AKT3: variants seen among roughly 807,000 people sequenced by gnomAD.
AKT3 encodes AKT serine/threonine kinase 3, also known as RAC-gamma serine/threonine-protein kinase.
Under a neutral mutation model 65.3 loss-of-function variants are expected in AKT3, and 15 were observed. The observed-to-expected ratio is 0.23, with a 90% CI of 0.15 to 0.35. AKT3 has a LOEUF of 0.35. AKT3 is among the 10% of genes least tolerant of loss of function. AKT3 has a pLI of 1.00. For synonymous variants in AKT3, 206 were observed against 183.8 expected (o/e 1.12, Z -0.98); for missense variants, 243 against 576.5 (o/e 0.42, Z 5.92).
At chr1:243,530,098 C>T (rs556438249) in intron 12 of AKT3, among the ~76,000 whole-genome samples, 1 of 152,056 alleles carries the variant, frequency 6.6e-6, no homozygotes, top group Non-Finnish European at 1.5e-5. Context: ...TTGCTCTCAG[C>T]TTAGATGTTG....
intron 1 of AKT3, among the ~76,000 whole-genome samples, chr1:243,845,607 AAG>A (rs1695487436): frequency 6.7e-6 from 1 of 149,312 alleles, no homozygotes. Flanking sequence ...AAAAAAAGAA[AAG>A]AAAAGAAAAA....
intron 8 of AKT3, among the ~76,000 whole-genome samples, chr1:243,578,883 CT>C (rs1182987825): frequency 6.6e-6 from 1 of 152,164 alleles, no homozygotes; most frequent in African/African-American, 2.4e-5. Flanking sequence ...ACATCACTAT[CT>C]GGTTACAAGA....
intron 12 of AKT3, among the ~76,000 whole-genome samples, chr1:243,535,388 C>CT (rs1239112509): frequency 3.9e-5 from 6 of 152,078 alleles, no homozygotes; most frequent in Admixed American, 2.6e-4. Flanking sequence ...TCCCCTCACT[C>CT]TGAGTCTCCA....
intron 2 of AKT3, among the ~76,000 whole-genome samples, chr1:243,796,807 G>A (rs907686342): frequency 6.6e-6 from 1 of 152,102 alleles, no homozygotes; most frequent in Non-Finnish European, 1.5e-5. Flanking sequence ...CCTTAAGAAG[G>A]AAGGAGATGC....
chr1:243,560,201 C>T (rs776723260), intron 10 of AKT3, among the ~76,000 whole-genome samples: 1 of 152,044 alleles, frequency 6.6e-6, no homozygotes, highest in Non-Finnish European at 1.5e-5. Context: ...CAGTTATTTT[C>T]TTGCACAGTA....
chr1:243,766,003 G>A (rs544019580), intron 2 of AKT3, among the ~76,000 whole-genome samples: 4 of 152,256 alleles, frequency 2.6e-5, no homozygotes, highest in Admixed American at 2.6e-4. Context: ...TGTCCAAAGA[G>A]GTTTAAGCAT....
chr1:243,823,733 AAGG>A (rs1459011574), intron 2 of AKT3, among the ~76,000 whole-genome samples: 1 of 152,182 alleles, frequency 6.6e-6, no homozygotes, highest in African/African-American at 2.4e-5. Context: ...GGACCTTTTC[AAGG>A]AGAACTCAAG....
chr1:243,497,538 C>T (rs957792885), downstream of AKT3, among the ~76,000 whole-genome samples: 64 of 152,018 alleles, frequency 4.2e-4, no homozygotes, highest in African/African-American at 1.5e-3. Flanking sequence ...TGCAGGCCCA[C>T]GGAATCAGGA....
At chr1:243,731,615 G>C (rs58709317) in intron 2 of AKT3, among the ~76,000 whole-genome samples, 8,331 of 152,264 alleles carry the variant, frequency 0.055, 764 homozygotes, top group African/African-American at 0.19. Context: ...TCTGTGAAGA[G>C]AAATAGAAGG....
chr1:243,761,191 A>T (rs1689468461), intron 2 of AKT3, among the ~76,000 whole-genome samples: 1 of 152,218 alleles, frequency 6.6e-6, no homozygotes, highest in South Asian at 2.1e-4. Flanking sequence ...AACTACATTT[A>T]CTCTATGTAC....
At chr1:243,833,598 T>C (rs992448050) in intron 2 of AKT3, among the ~76,000 whole-genome samples, 5 of 152,020 alleles carry the variant, frequency 3.3e-5, no homozygotes, top group Admixed American at 6.6e-5. Flanking sequence ...AGCCTAACCA[T>C]ATCAATGGCA....
At chr1:243,575,196 T>C (rs1674852089) in intron 8 of AKT3, among the ~76,000 whole-genome samples, 1 of 152,202 alleles carries the variant, frequency 6.6e-6, no homozygotes, top group Non-Finnish European at 1.5e-5. Context: ...GCCCTCTTTC[T>C]TGAAACACAT....
In AKT3 at chr1:243,690,631, T is replaced by A. The variant is rs78919243; in HGVS notation, c.172+4960A>T. 3.7e-3 allele frequency among the ~76,000 whole-genome samples: 561 copies of A among 152,178 alleles called. 2 individuals are homozygous for A. Among genetic ancestry groups the A allele is most frequent in the Admixed American group, 6.1e-3 (93 of 15,276 alleles). On this transcript the variant is annotated intron_variant, in intron 3 of 13. Transcript: ENST00000673466. ...CCACATTCTACAGGCCTTGTGGAGT[T>A]TCCATTCTCCATGTCAAAGGATACC...
chr1:243,577,093 T>C (rs953856458), intron 8 of AKT3, among the ~76,000 whole-genome samples: 3 of 152,180 alleles, frequency 2.0e-5, no homozygotes, highest in African/African-American at 7.2e-5. Context: ...AACTATTTGA[T>C]TTTTAACAAA....
At chr1:243,630,972 C>T in intron 6 of AKT3, among the ~76,000 whole-genome samples, 1 of 102,706 alleles carries the variant, frequency 9.7e-6, no homozygotes, top group South Asian at 2.8e-4. Flanking sequence ...ACCAAATAGC[C>T]TCTTTTTTTT....
At chr1:243,649,393 A>ATG (rs1681121968) in intron 4 of AKT3, among the ~76,000 whole-genome samples, 1 of 148,976 alleles carries the variant, frequency 6.7e-6, no homozygotes, top group Admixed American at 6.7e-5. Flanking sequence ...TATATATGTT[A>ATG]TGTGTATATA....
chr1:243,682,395 C>T (rs988600560), intron 3 of AKT3, among the ~76,000 whole-genome samples: 2 of 152,116 alleles, frequency 1.3e-5, no homozygotes, highest in Admixed American at 1.3e-4. Context: ...ATTTTAAAAA[C>T]TCTGTAGGTA....
intron 2 of AKT3, among the ~76,000 whole-genome samples, chr1:243,810,654 G>A (rs1217642440): frequency 1.3e-5 from 2 of 152,104 alleles, no homozygotes; most frequent in Non-Finnish European, 2.9e-5. Flanking sequence ...GAAAAAGAGG[G>A]AATCCTCCCT....
At chr1:243,629,373 A>G (rs1426898731) in intron 6 of AKT3, among the ~76,000 whole-genome samples, 1 of 152,248 alleles carries the variant, frequency 6.6e-6, no homozygotes, top group Non-Finnish European at 1.5e-5. Context: ...GGGGTGAATT[A>G]AAGTAGGACA....
Sources: allele counts gnomAD v4.1 joint callset (sites outside exome capture counted in the v4.1 genomes callset), GRCh38; gene constraint gnomAD v4.1.1; transcripts MANE v1.5; gene names NCBI Gene and HGNC (gene_info 2026-07-23, HGNC 2026-07-21).